The following SEMA5A variants were observed in gnomAD, a reference collection of about 807,000 sequenced individuals.
The protein encoded by SEMA5A is semaphorin-5A.
SEMA5A carries 55 observed loss-of-function variants against 135.5 expected under a neutral mutation model. The observed-to-expected ratio is 0.41, with a 90% CI of 0.33 to 0.51. The LOEUF is 0.51. Among genes scored for constraint, SEMA5A ranks in the 20% least tolerant of loss-of-function variants. SEMA5A has a pLI of 0.37. For synonymous variants in SEMA5A, 580 were observed against 546.5 expected (o/e 1.06, Z -0.85); for missense variants, 1,290 against 1,419.9 (o/e 0.91, Z 1.47).
intron 8 of SEMA5A, among the ~76,000 whole-genome samples, chr5:9,210,365 A>G (rs1806054): frequency 0.016 from 2,395 of 152,272 alleles, 54 homozygotes; most frequent in African/African-American, 0.052. Flanking sequence ...GACTCATGTC[A>G]CTTAACCACA....
intron 10 of SEMA5A, among the ~76,000 whole-genome samples, chr5:9,193,887 ACT>A (rs150273301): frequency 2.0e-3 from 304 of 152,218 alleles, no homozygotes; most frequent in African/African-American, 7.1e-3. Flanking sequence ...ACAGAGCAAG[ACT>A]CTGTCTCAAA....
intron 11 of SEMA5A, among the ~76,000 whole-genome samples, chr5:9,165,880 C>A (rs549904067): frequency 3.9e-4 from 59 of 152,250 alleles, no homozygotes; most frequent in Middle Eastern, 3.4e-3. Context: ...AAAGTTCTTT[C>A]TCTTAACTTG....
chr5:9,188,707 A>T (rs1454663845), intron 11 of SEMA5A, among the ~76,000 whole-genome samples: 1 of 107,638 alleles, frequency 9.3e-6, no homozygotes, highest in Non-Finnish European at 1.8e-5. Flanking sequence ...CATCCCACAA[A>T]CCTATTCCGT....
At chr5:9,383,497 G>A (rs1755702987) in intron 2 of SEMA5A, among the ~76,000 whole-genome samples, 1 of 152,096 alleles carries the variant, frequency 6.6e-6, no homozygotes, top group South Asian at 2.1e-4. Context: ...TAAGCATGGT[G>A]CCAAGCACTC....
At chr5:9,090,313 T>C (rs1218742458) in intron 16 of SEMA5A, among the ~76,000 whole-genome samples, 1 of 152,198 alleles carries the variant, frequency 6.6e-6, no homozygotes, top group Non-Finnish European at 1.5e-5. Flanking sequence ...AACCAAGCAC[T>C]GGACATATTA....
intron 2 of SEMA5A, among the ~76,000 whole-genome samples, chr5:9,405,741 C>G (rs960483549): frequency 2.6e-5 from 4 of 152,088 alleles, no homozygotes; most frequent in African/African-American, 9.7e-5. Flanking sequence ...ATCTCCATGC[C>G]CTTTTAAATG....
At chr5:9,313,323 G>A (rs1752229304) in intron 5 of SEMA5A, among the ~76,000 whole-genome samples, 1 of 152,090 alleles carries the variant, frequency 6.6e-6, no homozygotes, top group South Asian at 2.1e-4. Flanking sequence ...GTCCCCTGGG[G>A]TGACAGTATG....
chr5:9,377,382 C>A (rs1168497360), intron 3 of SEMA5A, among the ~76,000 whole-genome samples: 1 of 152,200 alleles, frequency 6.6e-6, no homozygotes, highest in African/African-American at 2.4e-5. Flanking sequence ...AAGCTAGATT[C>A]CTTTGAACAC....
intron 1 of SEMA5A, among the ~76,000 whole-genome samples, chr5:9,526,483 T>C (rs459659): frequency 0.34 from 51,896 of 152,034 alleles, 9,046 homozygotes; most frequent in East Asian, 0.41. Context: ...GTTCACTGCC[T>C]GGTAAAGACT....
In SEMA5A at chr5:9,063,067, C is replaced by A; in HGVS notation, c.2338G>T (p.Ala780Ser). ...GDFLRAGRYSAHTVNGAWSAW... is the reference protein window; with the variant it reads ...GDFLRAGRYSSHTVNGAWSAW... ...GACCAAGCCCCGTTGACCGTGTGGG[C>A]AGAGTATCTCCCAGCACGCAGGAAA... The change falls in exon 18 of 23, where the codon GCC (alanine) becomes TCC (serine). Residue 780 changes from alanine to serine, a missense_variant. By Grantham distance (99) the Ala-to-Ser change is moderately conservative (BLOSUM62 1). Around this residue, in one of 3 missense-constraint regions of SEMA5A, gnomAD observed 1,029 missense variants for 1,086.6 expected, o/e 0.95. Transcript: ENST00000382496. 1.9e-6 allele frequency: 3 copies of A among 1,614,134 alleles called. No homozygotes were observed. Among genetic ancestry groups the A allele is most frequent in the Non-Finnish European group, 1.7e-6 (2 of 1,180,020 alleles).
At chr5:9,535,853 G>A (rs1263138012) in intron 1 of SEMA5A, among the ~76,000 whole-genome samples, 1 of 152,176 alleles carries the variant, frequency 6.6e-6, no homozygotes, top group Non-Finnish European at 1.5e-5. Context: ...GCAGATGCTG[G>A]ATCTTCCCAA....
intron 13 of SEMA5A, among the ~76,000 whole-genome samples, chr5:9,131,103 T>A (rs1741386831): frequency 6.6e-6 from 1 of 152,208 alleles, no homozygotes; most frequent in Non-Finnish European, 1.5e-5. Flanking sequence ...GATGTATAGC[T>A]CATTTTGCAT....
chr5:9,179,942 G>A (rs556262910), intron 11 of SEMA5A, among the ~76,000 whole-genome samples: 1 of 152,324 alleles, frequency 6.6e-6, no homozygotes, highest in African/African-American at 2.4e-5. Flanking sequence ...CTGGAAGTCT[G>A]AAATCAAGGT....
chr5:9,287,864 A>T (rs749888997), intron 5 of SEMA5A, among the ~76,000 whole-genome samples: 23 of 152,334 alleles, frequency 1.5e-4, no homozygotes, highest in Non-Finnish European at 2.5e-4. Flanking sequence ...CTTAAAAATT[A>T]TTTCCCTCAA....
At chr5:9,410,640 A>T (rs1453228591) in intron 2 of SEMA5A, among the ~76,000 whole-genome samples, 4 of 152,186 alleles carry the variant, frequency 2.6e-5, no homozygotes, top group African/African-American at 9.7e-5. Flanking sequence ...GTTCTCACTT[A>T]TAAGTGGTAG....
Position 9,489,227 on chromosome 5 carries a change from T to G in SEMA5A, c.-174-51375A>C, listed in dbSNP as rs376738318. ...TGAGTTCCTTTACTTCTAATGAAAA[T>G]TGCTCAACAAAGAACCAAATGTTAG... On this transcript the variant is annotated intron_variant, in intron 1 of 22. Transcript: ENST00000382496. 6.9e-5 allele frequency among the ~76,000 whole-genome samples: 10 copies of G among 145,882 alleles called. No homozygotes were observed. The East Asian group carries it at 2.0e-3, about 29-fold the overall frequency.
chr5:9,226,317 T>G (rs1747309207), intron 7 of SEMA5A, among the ~76,000 whole-genome samples: 1 of 152,206 alleles, frequency 6.6e-6, no homozygotes, highest in Admixed American at 6.5e-5. Flanking sequence ...ATGCTACTGC[T>G]ATGGTGTGTG....
intron 1 of SEMA5A, among the ~76,000 whole-genome samples, chr5:9,537,604 G>A (rs553477430): frequency 5.2e-4 from 79 of 152,262 alleles, no homozygotes; most frequent in Admixed American, 9.8e-4. Flanking sequence ...AAACATGGTC[G>A]TTCTGTAAAT....
chr5:9,436,323 A>G (rs866175268), intron 2 of SEMA5A, among the ~76,000 whole-genome samples: 23 of 152,216 alleles, frequency 1.5e-4, no homozygotes, highest in Admixed American at 1.3e-3. Context: ...GTGGTTCTCC[A>G]TGGGGGAGGG....
Sources: allele counts gnomAD v4.1 joint callset (sites outside exome capture counted in the v4.1 genomes callset), GRCh38; gene constraint gnomAD v4.1.1; regional missense constraint gnomAD v4.1.1; transcripts MANE v1.5; gene names NCBI Gene and HGNC (gene_info 2026-07-23, HGNC 2026-07-21).